The following CABLES1 variants were observed in gnomAD, a reference collection of about 807,000 sequenced individuals.
CABLES1 encodes the protein Cdk5 and Abl enzyme substrate 1.
Under a neutral mutation model 57.8 loss-of-function variants are expected in CABLES1, and 36 were observed. The ratio of observed to expected loss-of-function variants is 0.62; its 90% CI spans 0.48 to 0.82. The LOEUF (loss-of-function observed/expected upper bound fraction) is 0.82. CABLES1 is among the 40% of genes least tolerant of loss of function. CABLES1 has a pLI of 0.00. For synonymous variants in CABLES1, 374 were observed against 363.0 expected (o/e 1.03, Z -0.35); for missense variants, 767 against 836.6 (o/e 0.92, Z 1.03).
chr18:23,165,399 C>G (rs907420861), intron 1 of CABLES1, among the ~76,000 whole-genome samples: 1 of 152,140 alleles, frequency 6.6e-6, no homozygotes, highest in Non-Finnish European at 1.5e-5. Context: ...GTGACTGGCC[C>G]TTTTAACCAT....
intron 1 of CABLES1, among the ~76,000 whole-genome samples, chr18:23,152,959 G>T (rs748086853): frequency 6.6e-6 from 1 of 151,126 alleles, no homozygotes; most frequent in African/African-American, 2.4e-5. Flanking sequence ...CCACCACCAC[G>T]CCCTGCTGTT....
intron 3 of CABLES1, among the ~76,000 whole-genome samples, chr18:23,206,384 G>A (rs1360191728): frequency 2.6e-5 from 4 of 152,262 alleles, no homozygotes. Context: ...TAATCGCTTG[G>A]TTGGGGAAAA....
intron 1 of CABLES1, among the ~76,000 whole-genome samples, chr18:23,143,953 C>G (rs763509175): frequency 6.6e-6 from 1 of 152,216 alleles, no homozygotes; most frequent in Non-Finnish European, 1.5e-5. Context: ...CAACCTCCCC[C>G]GCTCCCACAC....
chr18:23,214,815 CAT>C (rs1598833949), intron 4 of CABLES1: 1 of 152,300 alleles, frequency 6.6e-6, no homozygotes, highest in Non-Finnish European at 1.5e-5. Context: ...ACACCACAGA[CAT>C]GTGACCACTG....
At chr18:23,189,686 CA>C (rs887747487) in intron 2 of CABLES1, among the ~76,000 whole-genome samples, 28 of 152,366 alleles carry the variant, frequency 1.8e-4, no homozygotes, top group African/African-American at 5.8e-4. Context: ...GGACTTCCAT[CA>C]GCTCCTCCTC....
intron 1 of CABLES1, among the ~76,000 whole-genome samples, chr18:23,148,428 A>G (rs1473929559): frequency 6.6e-6 from 1 of 152,080 alleles, no homozygotes; most frequent in Non-Finnish European, 1.5e-5. Flanking sequence ...CCCTCTGCAC[A>G]TGGCTTCTAC....
At chr18:23,152,825 G>T (rs972680325) in intron 1 of CABLES1, among the ~76,000 whole-genome samples, 17 of 151,688 alleles carry the variant, frequency 1.1e-4, no homozygotes, top group African/African-American at 4.1e-4. Context: ...TTTTGAGACA[G>T]AGTTTCGCTC....
chr18:23,160,955 C>A (rs528291014), intron 1 of CABLES1, among the ~76,000 whole-genome samples: 1 of 152,252 alleles, frequency 6.6e-6, no homozygotes, highest in Admixed American at 6.5e-5. Context: ...ATCGCTTGAA[C>A]CTAGGAGGCA....
chr18:23,163,764 T>C (rs1307211306), intron 1 of CABLES1, among the ~76,000 whole-genome samples: 3 of 152,180 alleles, frequency 2.0e-5, no homozygotes, highest in Non-Finnish European at 2.9e-5. Flanking sequence ...AAGAGGTTTA[T>C]GGTTATTTAG....
In CABLES1 at chr18:23,242,713, T is replaced by A. The variant is rs549767431; in HGVS notation, c.1446+5468T>A. Among the ~76,000 whole-genome samples, 3 of 152,296 alleles carry A rather than the reference T, an allele frequency of 2.0e-5. No homozygotes were observed. The South Asian group carries it at 6.2e-4, about 32-fold the overall frequency. ...ACATCAAAAAGAAAACCGACTAACA[T>A]TGTTTATGATATGCATAAGCATGTA... is the stretch of plus-strand genomic sequence containing the variant. On this transcript the variant is annotated intron_variant, in intron 7 of 9. Transcript: ENST00000256925.
At chr18:23,171,812 A>G (rs1005245765) in intron 1 of CABLES1, among the ~76,000 whole-genome samples, 6 of 152,156 alleles carry the variant, frequency 3.9e-5, no homozygotes, top group Non-Finnish European at 5.9e-5. Flanking sequence ...ATCCCTGCCA[A>G]ACCAGGCAGC....
chr18:23,226,822 G>A (rs1355583503), intron 4 of CABLES1, among the ~76,000 whole-genome samples: 1 of 152,210 alleles, frequency 6.6e-6, no homozygotes, highest in African/African-American at 2.4e-5. Flanking sequence ...CCAGAAGAAA[G>A]TAGGAGAGAA....
At chr18:23,187,547 C>T (rs543818615) in intron 1 of CABLES1, among the ~76,000 whole-genome samples, 5 of 152,174 alleles carry the variant, frequency 3.3e-5, no homozygotes, top group South Asian at 2.1e-4. Flanking sequence ...CCACCACACC[C>T]GGCTAATTTT....
chr18:23,248,274 C>T (rs752533184), intron 7 of CABLES1, among the ~76,000 whole-genome samples: 14 of 152,174 alleles, frequency 9.2e-5, no homozygotes, highest in East Asian at 1.9e-4. Context: ...TCTCTGTCCC[C>T]GCCTTCACCG....
At chr18:23,168,013 T>G (rs1262097963) in intron 1 of CABLES1, among the ~76,000 whole-genome samples, 1 of 152,150 alleles carries the variant, frequency 6.6e-6, no homozygotes. Context: ...GCAGGACTGG[T>G]GGGAACTCCC....
intron 2 of CABLES1, 82 bp from the exon 3 acceptor site, chr18:23,194,366 C>G: frequency 2.4e-6 from 2 of 839,630 alleles, no homozygotes; most frequent in Non-Finnish European, 4.0e-6. Flanking sequence ...TTGTCTGGTC[C>G]TTCCTTCCTG....
At chr18:23,164,261 G>A (rs79446359) in intron 1 of CABLES1, among the ~76,000 whole-genome samples, 6 of 152,190 alleles carry the variant, frequency 3.9e-5, no homozygotes, top group Admixed American at 2.0e-4. Flanking sequence ...CTAGCTCTCC[G>A]TAGCCTACAG....
chr18:23,234,458 G>T (rs1036983059), intron 4 of CABLES1, 150 bp from the exon 5 acceptor site: 5 of 629,558 alleles, frequency 7.9e-6, no homozygotes, highest in Admixed American at 5.5e-5. Context: ...ACTGGCAAGC[G>T]CCCGAAGAGG....
At chr18:23,167,024 T>G (rs945002587) in intron 1 of CABLES1, among the ~76,000 whole-genome samples, 1 of 152,144 alleles carries the variant, frequency 6.6e-6, no homozygotes. Flanking sequence ...CTGAACAACT[T>G]AACCAGGATG....
Sources: allele counts gnomAD v4.1 joint callset (sites outside exome capture counted in the v4.1 genomes callset), GRCh38; gene constraint gnomAD v4.1.1; transcripts MANE v1.5; gene names NCBI Gene and HGNC (gene_info 2026-07-23, HGNC 2026-07-21).